Variants in VPS13D observed in about 807,000 individuals in gnomAD.
VPS13D encodes vacuolar protein sorting 13 homolog D, also known as intermembrane lipid transfer protein VPS13D.
A neutral mutation model predicts 461.9 loss-of-function variants in VPS13D; 187 were observed. The ratio of observed to expected loss-of-function variants is 0.40; its 90% CI spans 0.36 to 0.46. The LOEUF (loss-of-function observed/expected upper bound fraction) is 0.46. VPS13D is among the 20% of genes least tolerant of loss of function. The probability of loss-of-function intolerance (pLI) is 0.60; values close to 1 mark genes in which losing one functional copy is unlikely to be tolerated. For synonymous variants in VPS13D, 1,951 were observed against 1,986.3 expected (o/e 0.98, Z 0.47); for missense variants, 4,711 against 5,364.9 (o/e 0.88, Z 3.81).
At chr1:12,465,858 C>G (rs894310736) in intron 67 of VPS13D, among the ~76,000 whole-genome samples, 1 of 151,998 alleles carries the variant, frequency 6.6e-6, no homozygotes, top group Non-Finnish European at 1.5e-5. Flanking sequence ...GCAAAGAGGC[C>G]GGGTGTGGTG....
intron 30 of VPS13D, among the ~76,000 whole-genome samples, chr1:12,317,260 T>C (rs1181212482): frequency 6.6e-6 from 1 of 152,190 alleles, no homozygotes; most frequent in Non-Finnish European, 1.5e-5. Context: ...GACTGCTTTG[T>C]GCCTGGTGCT....
At chr1:12,354,815 T>G (rs891062444) in intron 47 of VPS13D, among the ~76,000 whole-genome samples, 5 of 152,188 alleles carry the variant, frequency 3.3e-5, no homozygotes, top group African/African-American at 1.2e-4. Flanking sequence ...AAATAGTTAT[T>G]TGCCCCATTT....
At chr1:12,387,064 A>G (rs558668996) in intron 60 of VPS13D, among the ~76,000 whole-genome samples, 55 of 152,302 alleles carry the variant, frequency 3.6e-4, no homozygotes, top group African/African-American at 1.3e-3. Flanking sequence ...TCAGTGATGT[A>G]TGTGAGGAAA....
chr1:12,407,990 C>T (rs1045694724), intron 63 of VPS13D, among the ~76,000 whole-genome samples: 2 of 152,260 alleles, frequency 1.3e-5, no homozygotes, highest in East Asian at 3.9e-4. Context: ...ATTGTCAGTA[C>T]CCTGTTTTCC....
intron 3 of VPS13D, among the ~76,000 whole-genome samples, chr1:12,242,968 T>C (rs1640428957): frequency 6.6e-6 from 1 of 151,768 alleles, no homozygotes; most frequent in South Asian, 2.1e-4. Flanking sequence ...CTTTTTTTTT[T>C]TTCAGATGGA....
chr1:12,313,055 G>A (rs186672174), intron 29 of VPS13D, among the ~76,000 whole-genome samples: 45 of 152,206 alleles, frequency 3.0e-4, no homozygotes, highest in African/African-American at 1.0e-3. Flanking sequence ...TAAGCTGGGC[G>A]TACATCACTC....
At chr1:12,301,006 C>T (rs746899050) in intron 25 of VPS13D, among the ~76,000 whole-genome samples, 4 of 152,152 alleles carry the variant, frequency 2.6e-5, no homozygotes, top group Non-Finnish European at 5.9e-5. Flanking sequence ...TAGCTAATAA[C>T]GTAGGGAGAG....
Position 12,505,381 on chromosome 1 carries a change from A to G in VPS13D, c.12795-1472A>G, listed in dbSNP as rs937204782. Among the ~76,000 whole-genome samples, 2 of 152,248 alleles carry G rather than the reference A, an allele frequency of 1.3e-5. No homozygotes were observed. Among genetic ancestry groups the G allele is most frequent in the African/African-American group, 2.4e-5 (1 of 41,468 alleles). ...AACGTCTGTGCTGAGTGGCCTAAAC[A>G]CTGAAGGCTGCGGGTCTTTCTAATT... On this transcript the variant is annotated intron_variant, in intron 68 of 69. Transcript: ENST00000620676. The surrounding 1 kb of genome is among the most constrained non-coding windows in gnomAD (Gnocchi z 4.2).
Position 12,456,057 on chromosome 1 carries a change from G to GC in VPS13D, c.12394dup (p.Arg4132ProfsTer13). On this transcript the variant is annotated frameshift_variant, in exon 66 of 70. Coordinates refer to ENST00000620676, the MANE Select transcript of VPS13D (RefSeq NM_015378.4). LOFTEE classifies it high-confidence loss of function. ...CGATGGACAATCGGCATCAGTCAGA[G>GC]CGGGAGTACATCAGGTACCATGCAG... is the stretch of plus-strand genomic sequence containing the variant. The GC allele has an allele frequency of 6.2e-7, 1 of 1,614,026 alleles. No individual in the cohort carries two copies. Among genetic ancestry groups the GC allele is most frequent in the Non-Finnish European group, 8.5e-7 (1 of 1,179,942 alleles).
intron 68 of VPS13D, among the ~76,000 whole-genome samples, chr1:12,506,286 A>C (rs932382624): frequency 1.2e-4 from 19 of 152,350 alleles, no homozygotes; most frequent in African/African-American, 4.3e-4. Flanking sequence ...AACAACTAGA[A>C]GTTTCCAAAA....
chr1:12,288,268 G>T lies in VPS13D; in HGVS notation c.5680G>T (p.Ala1894Ser), dbSNP rs1369808579. 6.2e-7 allele frequency: 1 copy of T among 1,614,112 alleles called. No homozygotes were observed. The highest frequency in any genetic ancestry group is 8.5e-7 in the Non-Finnish European group (1 of 1,179,962). The change falls in exon 22 of 70, where the codon GCC (alanine) becomes TCC (serine). Residue 1894 changes from alanine (A) to serine (S), a missense_variant. Physicochemically the swap from Ala to Ser is moderately conservative, Grantham distance 99. Around this residue, in one of 3 missense-constraint regions of VPS13D, gnomAD observed 4,411 missense variants for 4,937.8 expected, o/e 0.89. Coordinates refer to ENST00000620676, the MANE Select transcript of VPS13D (RefSeq NM_015378.4). ...GCTGAATAAGACCACCAGTGAGCTT[G>T]CCAAAGCAAATGTGTCCAAATTAGT... Reference protein sequence around the residue: ...LVLNKTTSELAKANVSKLVAH... With the variant: ...LVLNKTTSELSKANVSKLVAH...
intron 36 of VPS13D, among the ~76,000 whole-genome samples, chr1:12,328,156 T>C (rs1376934160): frequency 6.6e-6 from 1 of 152,188 alleles, no homozygotes; most frequent in Non-Finnish European, 1.5e-5. Context: ...TATCTAAAGA[T>C]TGTAGTGAAT....
chr1:12,293,721 C>T lies in VPS13D; in HGVS notation c.6033+17C>T, dbSNP rs781520268. On this transcript the variant is annotated intron_variant, in intron 24 of 69. Coordinates refer to ENST00000620676, the MANE Select transcript of VPS13D (RefSeq NM_015378.4). ...GGGCAGACGGTAGGTAGCCTGGGCC[C>T]TCCAAGCTGCTTTTCCAGTTTGACT... 14 of 1,606,786 alleles carry T rather than the reference C, an allele frequency of 8.7e-6. No individual in the cohort carries two copies. The highest frequency in any genetic ancestry group is 6.8e-5 in the Admixed American group (4 of 58,462).
rs1646006556 is a variant in VPS13D, at chr1:12,499,497, C to T, written c.12794+1866C>T. Reference sequence around the variant, plus strand: ...TTGCAATAGAAGAAATTGCGTGGTACAGCCAACATAGGACTGCTCCCAGTG... The same window carrying T: ...TTGCAATAGAAGAAATTGCGTGGTATAGCCAACATAGGACTGCTCCCAGTG... On this transcript the variant is annotated intron_variant, in intron 68 of 69. Transcript: ENST00000620676. The T allele has an allele frequency of 3.0e-6, 3 of 985,238 alleles. No individual in the cohort carries two copies. The South Asian group carries it at 1.4e-4, about 46-fold the overall frequency. 61.0% of individuals were successfully genotyped at this position (985,238 alleles called of 1,614,324 possible). A position where few individuals can be genotyped will look rare whatever the true frequency, so the allele number is the denominator to read the frequency against.
At chr1:12,462,857 A>G (rs1557454511) in intron 67 of VPS13D, among the ~76,000 whole-genome samples, 1 of 152,202 alleles carries the variant, frequency 6.6e-6, no homozygotes, top group Non-Finnish European at 1.5e-5. Flanking sequence ...TCAGCAGCAG[A>G]GACCATGCCC....
intron 65 of VPS13D, among the ~76,000 whole-genome samples, chr1:12,434,276 G>A (rs1259191303): frequency 6.6e-6 from 1 of 152,012 alleles, no homozygotes. Flanking sequence ...ACACATCAAG[G>A]CAAAAATAGG....
At chr1:12,350,197 A>G (rs1643764177) in intron 46 of VPS13D, among the ~76,000 whole-genome samples, 1 of 152,240 alleles carries the variant, frequency 6.6e-6, no homozygotes, top group Non-Finnish European at 1.5e-5. Flanking sequence ...TGAGCTTGTT[A>G]TAATAGACAT....
At chr1:12,266,312 A>G (rs568105238) in intron 13 of VPS13D, among the ~76,000 whole-genome samples, 29 of 152,394 alleles carry the variant, frequency 1.9e-4, no homozygotes, top group African/African-American at 6.5e-4. Flanking sequence ...ATCAAACAGC[A>G]TCACCTGCTA....
chr1:12,339,413 A>C (rs1240434803), intron 40 of VPS13D, among the ~76,000 whole-genome samples: 2 of 152,074 alleles, frequency 1.3e-5, no homozygotes, highest in Non-Finnish European at 1.5e-5. Flanking sequence ...GACAACCTAC[A>C]CTGTTTATAA....
Sources: allele counts gnomAD v4.1 joint callset (sites outside exome capture counted in the v4.1 genomes callset), GRCh38; gene constraint gnomAD v4.1.1; regional missense constraint gnomAD v4.1.1; non-coding constraint Gnocchi (gnomAD v3.1); transcripts MANE v1.5; gene names NCBI Gene and HGNC (gene_info 2026-07-23, HGNC 2026-07-21).